Variants in STARD13 observed in about 807,000 individuals in gnomAD.
STARD13 encodes stAR-related lipid transfer protein 13.
STARD13 carries 62 observed loss-of-function variants against 106.4 expected under a neutral mutation model. The ratio of observed to expected loss-of-function variants is 0.58; its 90% CI spans 0.48 to 0.72. STARD13 has a LOEUF of 0.72. Ranked by LOEUF, STARD13 falls within the 30% of genes least tolerant of loss-of-function variation. The probability of loss-of-function intolerance (pLI) is 0.00; values close to 1 mark genes in which losing one functional copy is unlikely to be tolerated. For missense variants in STARD13, 1,387 were observed against 1,424.0 expected (o/e 0.97, Z 0.42); for synonymous variants, 565 against 553.0 (o/e 1.02, Z -0.31).
intron 3 of STARD13, among the ~76,000 whole-genome samples, chr13:33,155,229 G>A (rs751874673): frequency 6.6e-6 from 1 of 151,746 alleles, no homozygotes; most frequent in African/African-American, 2.4e-5. Context: ...CCTCCTTCAT[G>A]GTTGTTCCCC....
chr13:33,155,192 C>T (rs1252336216), intron 3 of STARD13, among the ~76,000 whole-genome samples: 1 of 152,046 alleles, frequency 6.6e-6, no homozygotes, highest in Non-Finnish European at 1.5e-5. Flanking sequence ...ACACCTCAGC[C>T]CACCCTATCT....
At chr13:33,248,519 A>T (rs1398467452) in intron 1 of STARD13, among the ~76,000 whole-genome samples, 1 of 152,194 alleles carries the variant, frequency 6.6e-6, no homozygotes, top group Non-Finnish European at 1.5e-5. Flanking sequence ...TGGGGTCCAG[A>T]CTTGAATGAT....
intron 8 of STARD13, among the ~76,000 whole-genome samples, chr13:33,115,957 A>T (rs1875307470): frequency 6.6e-6 from 1 of 152,228 alleles, no homozygotes; most frequent in African/African-American, 2.4e-5. Flanking sequence ...AGATAATAAA[A>T]TGTACTTATT....
At chr13:33,601,487 A>G in the STARD13 span, among the ~76,000 whole-genome samples, 1 of 152,100 alleles carries the variant, frequency 6.6e-6, no homozygotes, top group Non-Finnish European at 1.5e-5. Flanking sequence ...CCAGGGGGCA[A>G]TACCCCTCCC....
At chr13:33,432,283 A>T in the STARD13 span, among the ~76,000 whole-genome samples, 1 of 152,176 alleles carries the variant, frequency 6.6e-6, no homozygotes, top group Non-Finnish European at 1.5e-5. Context: ...TAGAGAAAAG[A>T]TGTTAGAAAA....
chr13:33,528,709 G>A, the STARD13 span, among the ~76,000 whole-genome samples: 1,671 of 152,074 alleles, frequency 0.011, 40 homozygotes, highest in African/African-American at 0.038. Context: ...GAAATAAGAG[G>A]CCTTCCAGTT....
intron 1 of STARD13, among the ~76,000 whole-genome samples, chr13:33,318,844 A>T (rs1167637875): frequency 6.6e-6 from 1 of 152,204 alleles, no homozygotes; most frequent in Non-Finnish European, 1.5e-5. Context: ...GCATGTCAAA[A>T]CCACGATGAG....
At chr13:33,393,466 T>C in the STARD13 span, among the ~76,000 whole-genome samples, 2 of 152,156 alleles carry the variant, frequency 1.3e-5, no homozygotes, top group Admixed American at 6.5e-5. Context: ...ACTTGGCAGG[T>C]TTCTTAAAGT....
chr13:33,179,461 C>A (rs1397910782), intron 1 of STARD13, among the ~76,000 whole-genome samples: 1 of 152,176 alleles, frequency 6.6e-6, no homozygotes, highest in Non-Finnish European at 1.5e-5. Flanking sequence ...GGCAGAGGTG[C>A]TTATGTTACT....
intron 3 of STARD13, 132 bp downstream of exon 3, chr13:33,165,205 C>G: frequency 8.2e-6 from 6 of 731,170 alleles, no homozygotes; most frequent in Non-Finnish European, 9.8e-6. Flanking sequence ...ACATTTAGAA[C>G]CTGCACCTGG....
chr13:33,541,301 C>T, the STARD13 span, among the ~76,000 whole-genome samples: 1 of 152,192 alleles, frequency 6.6e-6, no homozygotes, highest in African/African-American at 2.4e-5. Context: ...TTCCAGATCA[C>T]TCTTTGAAGA....
the STARD13 span, among the ~76,000 whole-genome samples, chr13:33,599,981 C>G: frequency 6.6e-6 from 1 of 152,166 alleles, no homozygotes; most frequent in Non-Finnish European, 1.5e-5. Flanking sequence ...CCAAAGAGAT[C>G]CAGCATGCAT....
At chr13:33,488,662 C>A in the STARD13 span, among the ~76,000 whole-genome samples, 1 of 152,136 alleles carries the variant, frequency 6.6e-6, no homozygotes, top group Non-Finnish European at 1.5e-5. Flanking sequence ...CCTGATCATA[C>A]AAACACTTTC....
Position 33,126,129 on chromosome 13 carries a change from T to C in STARD13, c.2034A>G (p.Gln678=), listed in dbSNP as rs143789881. 1.7e-5 allele frequency: 28 copies of C among 1,614,172 alleles called. No individual in the cohort carries two copies. The African/African-American group carries it at 2.0e-4, about 12-fold the overall frequency. The change falls in exon 7 of 14, where the codon CAA becomes CAG. Residue 678 remains glutamine, a synonymous_variant. Coordinates refer to ENST00000336934, the MANE Select transcript of STARD13 (RefSeq NM_178006.4). The stretch of plus-strand genomic sequence containing the variant: ...GATATCTCAGTGCTTGCTGAATACT[T>C]TGAGGCAGGGGCTGTCCCGTTCTTT... ...HVQRTGQPLP[Q]SIQQALRYLR... is the part of the protein sequence containing the mutation.
At chr13:33,427,669 C>T in the STARD13 span, among the ~76,000 whole-genome samples, 1 of 152,118 alleles carries the variant, frequency 6.6e-6, no homozygotes, top group South Asian at 2.1e-4. Flanking sequence ...TAAAAATAGA[C>T]ACATAGCCAG....
chr13:33,638,108 T>A, the STARD13 span, among the ~76,000 whole-genome samples: 1 of 152,218 alleles, frequency 6.6e-6, no homozygotes, highest in South Asian at 2.1e-4. Flanking sequence ...GAGCCAAATA[T>A]GAGTGACTAA....
At position 33,326,842 on chromosome 13, in the gene STARD13, T is replaced by G. The variant is rs201438587; in HGVS notation, c.124+23448A>C. Among the ~76,000 whole-genome samples, 7 of 152,354 alleles carry G rather than the reference T, an allele frequency of 4.6e-5. No homozygotes were observed. In the East Asian group the frequency reaches 1.3e-3, roughly 29 times the overall value. On this transcript the variant is annotated intron_variant, in intron 1 of 5. Coordinates refer to the STARD13 transcript ENST00000567873. ...ACACTCAAGTGGTGCTCTTATAATT[T>G]GTTGTAGATGTTTATCCCCCTTTAA...
At chr13:33,635,339 C>G in the STARD13 span, among the ~76,000 whole-genome samples, 1 of 152,164 alleles carries the variant, frequency 6.6e-6, no homozygotes, top group African/African-American at 2.4e-5. Context: ...ATACCTACCT[C>G]ACAGAGTTGT....
intron 4 of STARD13, among the ~76,000 whole-genome samples, chr13:33,136,490 TG>T (rs1305426947): frequency 6.6e-6 from 1 of 152,260 alleles, no homozygotes; most frequent in Non-Finnish European, 1.5e-5. Context: ...TCTTCCCATT[TG>T]GCATGTTTTC....
Sources: allele counts gnomAD v4.1 joint callset (sites outside exome capture counted in the v4.1 genomes callset), GRCh38; gene constraint gnomAD v4.1.1; transcripts MANE v1.5; gene names NCBI Gene and HGNC (gene_info 2026-07-23, HGNC 2026-07-21).